The following HERC4 variants were observed in gnomAD, a reference collection of about 807,000 sequenced individuals.
The protein encoded by HERC4 is HECT and RLD domain containing E3 ubiquitin protein ligase 4, also known as probable E3 ubiquitin-protein ligase HERC4.
A neutral mutation model predicts 124.3 loss-of-function variants in HERC4; 28 were observed. The observed-to-expected ratio is 0.23, with a 90% CI of 0.17 to 0.31. The LOEUF (loss-of-function observed/expected upper bound fraction) is 0.31, where lower values mean the gene tolerates loss of function less well. HERC4 is among the 10% of genes least tolerant of loss of function. HERC4 has a pLI of 1.00. For missense variants in HERC4, 713 were observed against 1,229.3 expected, an observed-to-expected ratio of 0.58 and a Z score of 6.28; for synonymous variants, 407 against 421.5, an observed-to-expected ratio of 0.97 and a Z score of 0.42.
chr10:68,032,428 C>T (rs549469084), intron 7 of HERC4, among the ~76,000 whole-genome samples: 33 of 152,154 alleles, frequency 2.2e-4, no homozygotes, highest in East Asian at 9.7e-4. Flanking sequence ...CTGAGCTACA[C>T]GATATAAATG....
At chr10:68,024,694 T>C (rs560865818) in intron 8 of HERC4, among the ~76,000 whole-genome samples, 4 of 152,348 alleles carry the variant, frequency 2.6e-5, no homozygotes, top group African/African-American at 4.8e-5. Flanking sequence ...AACTAAACTA[T>C]TGTATAGCTA....
intron 17 of HERC4, chr10:67,956,248 TAAAGC>T (rs941654287): frequency 6.6e-6 from 1 of 152,142 alleles, no homozygotes; most frequent in African/African-American, 2.4e-5. Context: ...GATCAAATGA[TAAAGC>T]AAACTTACTG....
chr10:67,930,116 T>C (rs941154791), intron 23 of HERC4, among the ~76,000 whole-genome samples: 1 of 152,184 alleles, frequency 6.6e-6, no homozygotes, highest in African/African-American at 2.4e-5. Context: ...CAGCTGTGCA[T>C]TTCCTTTTAA....
rs1287553950 is a variant in HERC4 at position 68,046,656 on chromosome 10, T to C, written c.227-2093A>G. ...ATATACAAAAGGCATTAAAGGAATA[T>C]GAGCTATTTATGTAAATCTTAAAAG... On this transcript the variant is annotated intron_variant, in intron 3 of 24. Transcript: ENST00000373700. Among the ~76,000 whole-genome samples, 5 of 152,200 alleles carry C rather than the reference T, an allele frequency of 3.3e-5. No individual in the cohort carries two copies. The East Asian group carries it at 9.6e-4, about 29-fold the overall frequency.
intron 9 of HERC4, among the ~76,000 whole-genome samples, chr10:68,011,528 T>G (rs1225427362): frequency 4.6e-5 from 7 of 152,236 alleles, no homozygotes; most frequent in Non-Finnish European, 1.0e-4. Context: ...TATATCTCCA[T>G]CTGAGCTCTG....
intron 3 of HERC4, among the ~76,000 whole-genome samples, chr10:68,053,934 T>G (rs943803859): frequency 6.6e-6 from 1 of 152,220 alleles, no homozygotes; most frequent in Non-Finnish European, 1.5e-5. Context: ...ATTTTAATAC[T>G]GAGGTCAGAA....
chr10:68,063,182 A>C (rs2041121050), intron 3 of HERC4, among the ~76,000 whole-genome samples: 2 of 151,884 alleles, frequency 1.3e-5, no homozygotes, highest in South Asian at 4.2e-4. Flanking sequence ...GTTGTAATAG[A>C]AAGCTTGTCA....
Position 67,992,205 on chromosome 10 carries a change from A to G in HERC4, c.1265T>C (p.Ile422Thr), listed in dbSNP as rs760745642. 17 of 1,613,542 alleles carry G rather than the reference A, an allele frequency of 1.1e-5. No individual in the cohort carries two copies. Among genetic ancestry groups the G allele is most frequent in the Non-Finnish European group, 1.4e-5 (16 of 1,179,722 alleles). Residue 422 changes from isoleucine to threonine, a missense_variant, in exon 11 of 25, where the codon ATA (isoleucine) becomes ACA (threonine). Physicochemically the swap from Ile to Thr is moderately conservative, Grantham distance 89. Coordinates refer to ENST00000373700, the MANE Select transcript of HERC4 (RefSeq NM_015601.4). ...SYPSGRFPVE[I>T]ANEIDGTFSS... ...CCCAAAATGCTTTTCTTACTTGGCT[A>G]TCTCCACAGGAAACCTTCCAGAAGG...
At chr10:67,994,403 T>G (rs893182275) in intron 9 of HERC4, 2 of 152,096 alleles carry the variant, frequency 1.3e-5, no homozygotes, top group African/African-American at 4.8e-5. Flanking sequence ...GTACCAAAAG[T>G]TAAGTTTCCT....
chr10:68,008,145 A>G (rs973094735), intron 9 of HERC4: 1 of 152,098 alleles, frequency 6.6e-6, no homozygotes, highest in Admixed American at 6.6e-5. Flanking sequence ...AAACAAATGA[A>G]GTTTCCCTCT....
chr10:67,950,775 A>C (rs961458736), intron 19 of HERC4, among the ~76,000 whole-genome samples: 5 of 152,244 alleles, frequency 3.3e-5, no homozygotes, highest in Non-Finnish European at 7.3e-5. Flanking sequence ...CTATGGATGC[A>C]TGTGTGTATA....
At position 68,072,968 on chromosome 10, in the gene HERC4, C is replaced by G. The variant is rs1564625673; in HGVS notation, c.141G>C (p.Val47=). ...ACACTGTTCCATCATCCAGAACAAACACAGTATGTCTGAGTCCACATCCTA... is the reference window on the plus strand; with the variant it reads ...ACACTGTTCCATCATCCAGAACAAAGACAGTATGTCTGAGTCCACATCCTA... ...RDVGCGLRHT[V]FVLDDGTVYT... is the part of the protein sequence containing the mutation. Residue 47 remains valine, a synonymous_variant, in exon 3 of 25, where the codon GTG becomes GTC. Transcript: ENST00000373700. The G allele has an allele frequency of 6.2e-7, 1 of 1,614,040 alleles. No homozygotes were observed. Among genetic ancestry groups the G allele is most frequent in the Non-Finnish European group, 8.5e-7 (1 of 1,179,946 alleles).
At chr10:68,069,062 G>A in intron 3 of HERC4, 5 of 984,780 alleles carry the variant, frequency 5.1e-6, no homozygotes, top group Non-Finnish European at 6.0e-6. Flanking sequence ...GTTTAGTACT[G>A]TTTCTAACAT....
intron 15 of HERC4, among the ~76,000 whole-genome samples, chr10:67,984,408 G>A (rs12254112): frequency 0.014 from 2,157 of 151,886 alleles, 37 homozygotes; most frequent in African/African-American, 0.048. Context: ...GACAAATATC[G>A]CATGTTCTCA....
In HERC4 at chr10:67,988,671, G is replaced by T; in HGVS notation, c.1798C>A (p.Leu600Ile). 6.4e-7 allele frequency: 1 copy of T among 1,564,904 alleles called. No homozygotes were observed. The highest frequency in any genetic ancestry group is 8.7e-7 in the Non-Finnish European group (1 of 1,152,194). The change falls in exon 15 of 25, where the codon CTA becomes ATA. Residue 600 changes from leucine to isoleucine, a missense_variant. Leu to Ile is a conservative substitution (Grantham distance 5, BLOSUM62 2). Coordinates refer to ENST00000373700, the MANE Select transcript of HERC4 (RefSeq NM_015601.4). ...GGAATGATTGGACATACCCTATGTA[G>T]TATTTCTAAAACCTTTAATGCAGTA... ...LHTALKVLEI[L>I]HRVNEKMGQI...
At chr10:67,963,760 C>G (rs1227347200) in intron 16 of HERC4, among the ~76,000 whole-genome samples, 2 of 152,136 alleles carry the variant, frequency 1.3e-5, no homozygotes, top group Admixed American at 6.5e-5. Flanking sequence ...TATGCAAAGT[C>G]TTGGTATGAA....
At chr10:67,984,536 T>C (rs1027124316) in intron 15 of HERC4, among the ~76,000 whole-genome samples, 1 of 151,880 alleles carries the variant, frequency 6.6e-6, no homozygotes, top group African/African-American at 2.4e-5. Context: ...GAGGTTGGGA[T>C]GGCTAATAGA....
chr10:67,965,071 C>T (rs1214231379), intron 16 of HERC4: 3 of 152,322 alleles, frequency 2.0e-5, no homozygotes, highest in African/African-American at 7.2e-5. Context: ...CACACCTGGC[C>T]TAATGCTGGC....
rs527761874 is a variant in HERC4, at chr10:68,010,273, G to A, written c.1069+3753C>T. ...GGGGAAAGGCACTAAGGAACACAGT[G>A]CAGTGCAGTGCAATGAGGGCTCCCA... On this transcript the variant is annotated intron_variant, in intron 9 of 24. Coordinates refer to ENST00000373700, the MANE Select transcript of HERC4 (RefSeq NM_015601.4). 2.0e-5 allele frequency: 20 copies of A among 985,580 alleles called. No homozygotes were observed. In the East Asian group the frequency reaches 5.8e-4, roughly 29 times the overall value. The allele number at this position is 985,580 out of a possible 1,614,324, so 61.1% of individuals were successfully genotyped here. A position where few individuals can be genotyped will look rare whatever the true frequency, so the allele number is the denominator to read the frequency against.
Sources: allele counts gnomAD v4.1 joint callset (sites outside exome capture counted in the v4.1 genomes callset), GRCh38; gene constraint gnomAD v4.1.1; transcripts MANE v1.5; gene names NCBI Gene and HGNC (gene_info 2026-07-23, HGNC 2026-07-21).